AGPAT5: variants seen among roughly 807,000 people sequenced by gnomAD.
AGPAT5 encodes 1-acylglycerol-3-phosphate O-acyltransferase 5.
Under a neutral mutation model 45.6 loss-of-function variants are expected in AGPAT5, and 46 were observed. That is an observed-to-expected ratio of 1.01 (90% CI 0.80 to 1.29). AGPAT5 has a LOEUF of 1.29. Among genes scored for constraint, AGPAT5 ranks in the 50% most tolerant of loss-of-function variants. AGPAT5 has a pLI of 0.00. For synonymous variants in AGPAT5, 272 were observed against 167.0 expected (o/e 1.63, Z -4.85); for missense variants, 673 against 450.7 (o/e 1.49, Z -4.47).
intron 1 of AGPAT5, among the ~76,000 whole-genome samples, chr8:6,722,481 T>C (rs1301110705): frequency 6.6e-6 from 1 of 152,224 alleles, no homozygotes; most frequent in Non-Finnish European, 1.5e-5. Context: ...TATATATTTT[T>C]TAACAAAGAA....
chr8:6,747,845 A>C lies in AGPAT5; in HGVS notation c.745+17A>C. 1 of 1,613,118 alleles carries C rather than the reference A, an allele frequency of 6.2e-7. No individual in the cohort carries two copies. The highest frequency in any genetic ancestry group is 8.5e-7 in the Non-Finnish European group (1 of 1,179,408). On this transcript the variant is annotated intron_variant, in intron 6 of 7. Transcript: ENST00000285518. ...CCATGACGGGTAAGTGTGTTCACGC[A>C]CCTGAAATGCCTGTACACGGTATAT...
At chr8:6,728,842 T>C (rs1469041680) in intron 2 of AGPAT5, among the ~76,000 whole-genome samples, 1 of 152,180 alleles carries the variant, frequency 6.6e-6, no homozygotes, top group Non-Finnish European at 1.5e-5. Context: ...AATATGTTTA[T>C]CAGTTATTAT....
rs571968377 is a variant in AGPAT5, at chr8:6,759,966, A to G, written c.*2578A>G. ...CTTAAATTAACTAAGTTGGTGAATAAAAGTGCCGATCTGGCTAACTCTTAC... is the reference window on the plus strand; with the variant it reads ...CTTAAATTAACTAAGTTGGTGAATAGAAGTGCCGATCTGGCTAACTCTTAC... On this transcript the variant is annotated 3_prime_UTR_variant, in exon 8 of 8. Transcript: ENST00000285518. 6.6e-6 allele frequency among the ~76,000 whole-genome samples: 1 copy of G among 152,360 alleles called. No individual in the cohort carries two copies. The highest frequency in any genetic ancestry group is 2.4e-5 in the African/African-American group (1 of 41,578).
Position 6,757,510 on chromosome 8 carries a change from TTGGATAA to T in AGPAT5, c.*124_*130del. On this transcript the variant is annotated 3_prime_UTR_variant, in exon 8 of 8. Transcript: ENST00000285518. ...TAAATAAAGCCTTGTTGATTGAAGATTGGATAATAGAATTTGTGACGAAAGCTGATAT... is the reference window on the plus strand; with the variant it reads ...TAAATAAAGCCTTGTTGATTGAAGATTAGAATTTGTGACGAAAGCTGATAT... 1.3e-6 allele frequency: 1 copy of T among 767,712 alleles called. No individual in the cohort carries two copies. The allele number at this position is 767,712 out of a possible 1,614,324, so 47.6% of individuals were successfully genotyped here. A position where few individuals can be genotyped will look rare whatever the true frequency, so the allele number is the denominator to read the frequency against.
chr8:6,738,050 G>C lies in AGPAT5; in HGVS notation c.496-3611G>C, dbSNP rs935385500. Among the ~76,000 whole-genome samples, 17 of 152,150 alleles carry C rather than the reference G, an allele frequency of 1.1e-4. 1 individual carries two copies. Among genetic ancestry groups the C allele is most frequent in the African/African-American group, 4.1e-4 (17 of 41,422 alleles). On this transcript the variant is annotated intron_variant, in intron 4 of 7. Coordinates refer to ENST00000285518, the MANE Select transcript of AGPAT5 (RefSeq NM_018361.5). ...AAACTTTCTCCATATCAGCAATAAGGCTGTTTTGCTTTCTAATCATTCATG... is the reference window on the plus strand; with the variant it reads ...AAACTTTCTCCATATCAGCAATAAGCCTGTTTTGCTTTCTAATCATTCATG...
At chr8:6,744,606 G>T (rs1801365625) in intron 5 of AGPAT5, among the ~76,000 whole-genome samples, 1 of 152,168 alleles carries the variant, frequency 6.6e-6, no homozygotes, top group African/African-American at 2.4e-5. Flanking sequence ...TCGAGGTCCT[G>T]TGCTGGGTCC....
At chr8:6,734,768 T>C (rs1301333657) in intron 4 of AGPAT5, among the ~76,000 whole-genome samples, 2 of 151,976 alleles carry the variant, frequency 1.3e-5, no homozygotes, top group Non-Finnish European at 2.9e-5. Flanking sequence ...TGGCCTTTAG[T>C]GTTGAGGAGT....
intron 4 of AGPAT5, among the ~76,000 whole-genome samples, chr8:6,733,092 T>C (rs774853989): frequency 2.0e-5 from 3 of 152,210 alleles, no homozygotes; most frequent in Non-Finnish European, 4.4e-5. Flanking sequence ...TCTCTACAAA[T>C]GTTAAATCAT....
chr8:6,709,039 A>T, intron 1 of AGPAT5, 152 bp downstream of exon 1: 1 of 786,876 alleles, frequency 1.3e-6, no homozygotes, highest in Non-Finnish European at 2.1e-6. Flanking sequence ...TCCTCTCCGC[A>T]TGCTTCCTGC....
chr8:6,743,053 C>T (rs552360054), intron 5 of AGPAT5, among the ~76,000 whole-genome samples: 2 of 152,186 alleles, frequency 1.3e-5, no homozygotes, highest in Non-Finnish European at 2.9e-5. Flanking sequence ...ACTCACTCTG[C>T]CCTCAATTTG....
chr8:6,709,954 T>G (rs1586993477), intron 1 of AGPAT5, among the ~76,000 whole-genome samples: 3 of 152,222 alleles, frequency 2.0e-5, no homozygotes, highest in Non-Finnish European at 1.5e-5. Flanking sequence ...ACGTTTAAAA[T>G]GGGCCTCATT....
intron 4 of AGPAT5, among the ~76,000 whole-genome samples, chr8:6,736,930 C>A (rs1801071896): frequency 6.6e-6 from 1 of 152,208 alleles, no homozygotes; most frequent in South Asian, 2.1e-4. Context: ...AATCAAAGTT[C>A]TGTTTTATGC....
rs1194645189 is a variant in AGPAT5, at chr8:6,758,137, G to C, written c.*749G>C. The C allele has an allele frequency of 6.6e-6, 1 of 152,270 alleles. No individual in the cohort carries two copies. Among genetic ancestry groups the C allele is most frequent in the Non-Finnish European group, 1.5e-5 (1 of 68,042 alleles). The allele number at this position is 152,270 out of a possible 1,614,324, so 9.4% of individuals were successfully genotyped here. ...ATTTCCCAGCTTTTTGAAGATTTAA[G>C]CTACACTATTAGTACTTCCCTTTGT... On this transcript the variant is annotated 3_prime_UTR_variant, in exon 8 of 8. Coordinates refer to ENST00000285518, the MANE Select transcript of AGPAT5 (RefSeq NM_018361.5).
intron 6 of AGPAT5, among the ~76,000 whole-genome samples, chr8:6,753,975 T>A (rs375646575): frequency 5.9e-4 from 90 of 152,286 alleles, no homozygotes; most frequent in African/African-American, 2.2e-3. Flanking sequence ...AGACAAGTCT[T>A]CCTCGGACGG....
In AGPAT5 at chr8:6,759,879, G is replaced by A. The variant is rs886256070; in HGVS notation, c.*2491G>A. 3.3e-5 allele frequency among the ~76,000 whole-genome samples: 5 copies of A among 152,158 alleles called. No homozygotes were observed. Among genetic ancestry groups the A allele is most frequent in the African/African-American group, 1.2e-4 (5 of 41,426 alleles). On this transcript the variant is annotated 3_prime_UTR_variant, in exon 8 of 8. Coordinates refer to ENST00000285518, the MANE Select transcript of AGPAT5 (RefSeq NM_018361.5). ...TCTGCAATTTATAAGATGCATGGCC[G>A]ATGTTAATTTGCTTGGCAATTCTGT... is the stretch of plus-strand genomic sequence containing the variant.
rs745763532 is a variant in AGPAT5, at chr8:6,732,577, T to C, written c.422T>C (p.Val141Ala). The change falls in exon 4 of 8, where the codon GTA (valine) becomes GCA (alanine). Residue 141 changes from valine (V) to alanine (A), a missense_variant. Transcript: ENST00000285518. ...TTGTGGCAGCATGGAGGAATCTATGTAAAGCGCAGTGCCAAATTTAACGAG... is the reference window on the plus strand; with the variant it reads ...TTGTGGCAGCATGGAGGAATCTATGCAAAGCGCAGTGCCAAATTTAACGAG... Reference protein sequence around the residue: ...CYFAQHGGIYVKRSAKFNEKE... With the variant: ...CYFAQHGGIYAKRSAKFNEKE... 4 of 1,609,014 alleles carry C rather than the reference T, an allele frequency of 2.5e-6. No homozygotes were observed. The highest frequency in any genetic ancestry group is 3.4e-6 in the Non-Finnish European group (4 of 1,178,738).
At chr8:6,728,975 G>T (rs959020539) in intron 2 of AGPAT5, among the ~76,000 whole-genome samples, 2 of 152,188 alleles carry the variant, frequency 1.3e-5, no homozygotes, top group African/African-American at 2.4e-5. Flanking sequence ...CACAGGTTGT[G>T]TCTGTCTCTG....
At position 6,732,554 on chromosome 8, in the gene AGPAT5, G is replaced by T. The variant is rs552862246; in HGVS notation, c.406-7G>T. ...AAATGCTCTTTCTCCCGATTTGATT[G>T]TGGCAGCATGGAGGAATCTATGTAA... On this transcript the variant is annotated splice_region_variant and splice_polypyrimidine_tract_variant and intron_variant, in intron 3 of 7. Coordinates refer to ENST00000285518, the MANE Select transcript of AGPAT5 (RefSeq NM_018361.5). The T allele has an allele frequency of 5.7e-6, 9 of 1,585,874 alleles. No homozygotes were observed. In the South Asian group the frequency reaches 9.4e-5, roughly 17 times the overall value.
chr8:6,753,971 G>A (rs1247392232), intron 6 of AGPAT5, among the ~76,000 whole-genome samples: 1 of 152,190 alleles, frequency 6.6e-6, no homozygotes, highest in Non-Finnish European at 1.5e-5. Flanking sequence ...GCAAAGACAA[G>A]TCTTCCTCGG....
Sources: allele counts gnomAD v4.1 joint callset (sites outside exome capture counted in the v4.1 genomes callset), GRCh38; gene constraint gnomAD v4.1.1; transcripts MANE v1.5; gene names NCBI Gene and HGNC (gene_info 2026-07-23, HGNC 2026-07-21).